The following CDK14 variants were observed in gnomAD, a reference collection of about 807,000 sequenced individuals.
CDK14 encodes cyclin dependent kinase 14, also known as cyclin-dependent kinase 14.
In CDK14, 34 loss-of-function variants were observed where a neutral mutation model predicts 60.7. The ratio of observed to expected loss-of-function variants is 0.56; its 90% CI spans 0.43 to 0.75. CDK14 has a LOEUF of 0.75. Ranked by LOEUF, CDK14 falls within the 30% of genes least tolerant of loss-of-function variation. The probability of loss-of-function intolerance (pLI) is 0.00; values close to 1 mark genes in which losing one functional copy is unlikely to be tolerated. For synonymous variants in CDK14, 197 were observed against 203.7 expected (o/e 0.97, Z 0.28); for missense variants, 482 against 564.1 (o/e 0.85, Z 1.47).
intron 14 of CDK14, among the ~76,000 whole-genome samples, chr7:91,189,486 A>G (rs1409283262): frequency 6.6e-6 from 1 of 152,202 alleles, no homozygotes; most frequent in African/African-American, 2.4e-5. Context: ...CATTTTTGAT[A>G]TGCATGACAA....
At chr7:91,197,941 T>G (rs1802598102) in intron 14 of CDK14, among the ~76,000 whole-genome samples, 1 of 152,252 alleles carries the variant, frequency 6.6e-6, no homozygotes, top group South Asian at 2.1e-4. Context: ...TGATTTGTCC[T>G]TGGTCGATCA....
intron 10 of CDK14, among the ~76,000 whole-genome samples, chr7:90,999,707 C>T (rs1336914757): frequency 2.0e-5 from 3 of 152,144 alleles, no homozygotes; most frequent in Non-Finnish European, 4.4e-5. Flanking sequence ...AAAATGGCAG[C>T]ATTCGCTTAT....
At chr7:91,175,263 A>T (rs973103078) in intron 14 of CDK14, among the ~76,000 whole-genome samples, 1 of 152,150 alleles carries the variant, frequency 6.6e-6, no homozygotes, top group Non-Finnish European at 1.5e-5. Flanking sequence ...ATGCTGAGAG[A>T]TTTTTGTCAC....
chr7:91,005,120 A>T (rs1457187501), intron 10 of CDK14, among the ~76,000 whole-genome samples: 1 of 152,194 alleles, frequency 6.6e-6, no homozygotes, highest in East Asian at 1.9e-4. Context: ...CCAGGTCAGC[A>T]TTAGCTCACT....
At chr7:90,659,471 C>T (rs1362060345) in intron 2 of CDK14, among the ~76,000 whole-genome samples, 1 of 152,000 alleles carries the variant, frequency 6.6e-6, no homozygotes, top group Non-Finnish European at 1.5e-5. Flanking sequence ...ACGTTTCTTG[C>T]TGAAATGACA....
intron 4 of CDK14, among the ~76,000 whole-genome samples, chr7:90,783,826 G>A (rs1311299517): frequency 6.6e-6 from 1 of 152,124 alleles, no homozygotes; most frequent in Non-Finnish European, 1.5e-5. Flanking sequence ...TATGCTGTTG[G>A]TGGGAATGTA....
chr7:90,944,189 C>T (rs1794025406), intron 8 of CDK14, among the ~76,000 whole-genome samples: 1 of 152,202 alleles, frequency 6.6e-6, no homozygotes. Context: ...GCCTCCATAA[C>T]CATCAGCCAA....
chr7:91,168,701 T>C (rs1040187141), intron 14 of CDK14, among the ~76,000 whole-genome samples: 12 of 152,232 alleles, frequency 7.9e-5, no homozygotes, highest in Non-Finnish European at 1.3e-4. Context: ...TCACACTTTA[T>C]ACCATCATGC....
intron 14 of CDK14, among the ~76,000 whole-genome samples, chr7:91,188,517 C>G (rs1802257781): frequency 6.6e-6 from 1 of 152,114 alleles, no homozygotes; most frequent in Non-Finnish European, 1.5e-5. Flanking sequence ...GCTAGAAACT[C>G]AGGGCCAAAG....
At chr7:90,852,977 G>A (rs895396486) in intron 5 of CDK14, among the ~76,000 whole-genome samples, 2 of 152,194 alleles carry the variant, frequency 1.3e-5, no homozygotes, top group African/African-American at 2.4e-5. Context: ...GTCAAATGAA[G>A]TAGTGGTATG....
intron 2 of CDK14, among the ~76,000 whole-genome samples, chr7:90,626,667 T>G (rs905992752): frequency 6.6e-6 from 1 of 152,196 alleles, no homozygotes; most frequent in African/African-American, 2.4e-5. Context: ...AAGCCAGGTG[T>G]TGTGGCTCAG....
chr7:90,649,406 T>G (rs139850026), intron 2 of CDK14, among the ~76,000 whole-genome samples: 1,365 of 94,036 alleles, frequency 0.015, 219 homozygotes, highest in African/African-American at 0.064. Flanking sequence ...TCTTTCTTTC[T>G]TTCTTTCTTT....
chr7:90,940,013 A>T (rs188607238), intron 8 of CDK14, among the ~76,000 whole-genome samples: 36 of 152,116 alleles, frequency 2.4e-4, no homozygotes, highest in African/African-American at 8.7e-4. Context: ...AGTCGGGGGG[A>T]TGTAGGGAGC....
intron 9 of CDK14, among the ~76,000 whole-genome samples, chr7:90,976,263 C>T (rs1399247792): frequency 6.6e-6 from 1 of 152,038 alleles, no homozygotes; most frequent in Non-Finnish European, 1.5e-5. Context: ...GAGAATTTCC[C>T]TGATGTTTAG....
chr7:91,178,493 G>C (rs1344465323), intron 14 of CDK14, among the ~76,000 whole-genome samples: 11 of 148,240 alleles, frequency 7.4e-5, no homozygotes. Flanking sequence ...CTTCTGCACA[G>C]CAAAAGAAAC....
intron 3 of CDK14, among the ~76,000 whole-genome samples, chr7:90,745,003 C>T (rs1399926737): frequency 6.6e-6 from 1 of 152,232 alleles, no homozygotes; most frequent in African/African-American, 2.4e-5. Context: ...TCTTTCATTG[C>T]ATTTTTTTTC....
chr7:91,034,978 A>ACG (rs1491326897), intron 10 of CDK14, among the ~76,000 whole-genome samples: 3 of 146,930 alleles, frequency 2.0e-5, no homozygotes, highest in African/African-American at 7.5e-5. Context: ...ACACACACAC[A>ACG]TTGATAGCTT....
At chr7:90,617,696 A>G (rs1470418307) in intron 2 of CDK14, among the ~76,000 whole-genome samples, 2 of 152,154 alleles carry the variant, frequency 1.3e-5, no homozygotes, top group African/African-American at 4.8e-5. Flanking sequence ...TTCAGTTTCA[A>G]GGTTACGTTA....
At chr7:90,738,415 A>G (rs1803210440) in intron 3 of CDK14, among the ~76,000 whole-genome samples, 1 of 152,208 alleles carries the variant, frequency 6.6e-6, no homozygotes, top group South Asian at 2.1e-4. Context: ...AGAGCTGTCA[A>G]GGGTTAAGAA....
Sources: gnomAD v4.1 joint callset for allele counts (sites outside exome capture counted in the v4.1 genomes callset) on GRCh38, gnomAD v4.1.1 for gene constraint, MANE v1.5 for transcripts, NCBI Gene and HGNC (gene_info 2026-07-23, HGNC 2026-07-21) for gene names.